Variants in P3H4 observed in about 807,000 individuals in gnomAD.
P3H4 encodes the protein prolyl 3-hydroxylase family member 4 (inactive), also known as endoplasmic reticulum protein SC65.
In P3H4, 47 loss-of-function variants were observed where a neutral mutation model predicts 52.9. The observed-to-expected ratio is 0.89, with a 90% confidence interval of 0.70 to 1.13. P3H4 has a LOEUF of 1.13. Among genes scored for constraint, P3H4 ranks in the 50% most tolerant of loss-of-function variants. The pLI, the probability that P3H4 is intolerant of heterozygous loss-of-function variation, is 0.00. For synonymous variants in P3H4, 256 were observed against 267.9 expected (o/e 0.96, Z 0.44); for missense variants, 585 against 611.0 (o/e 0.96, Z 0.45).
intron 3 of P3H4, 107 bp downstream of exon 3, chr17:41,810,756 G>A: frequency 7.3e-7 from 1 of 1,373,772 alleles, no homozygotes; most frequent in Non-Finnish European, 9.8e-7. Flanking sequence ...CCTTCCTCCC[G>A]GCTGGCTCCT....
intron 5 of P3H4, 82 bp downstream of exon 5, chr17:41,807,777 C>G: frequency 6.6e-7 from 1 of 1,518,990 alleles, no homozygotes; most frequent in Non-Finnish European, 8.9e-7. Flanking sequence ...GGATTACAGG[C>G]ATGAGCCACC....
chr17:41,804,594 C>G (rs1306512630), intron 6 of P3H4, among the ~76,000 whole-genome samples: 1 of 152,152 alleles, frequency 6.6e-6, no homozygotes, highest in African/African-American at 2.4e-5. Flanking sequence ...CACCACTGCA[C>G]TCCAGCCTGG....
Position 41,810,900 on chromosome 17 carries a change from C to T in P3H4, c.750G>A (p.Glu250=). The T allele has an allele frequency of 6.2e-7, 1 of 1,614,108 alleles. No homozygotes were observed. ...RCLAGCEGAH[E]QVDFKDFYPA... ...GGTAGAAGTCCTTGAAGTCCACCTG[C>T]TCATGGGCCCCTTCACAGCCGGCCA... Residue 250 remains glutamate, a synonymous_variant, in exon 3 of 8, where the codon GAG becomes GAA. Coordinates refer to ENST00000393928, the MANE Select transcript of P3H4 (RefSeq NM_006455.3).
At chr17:41,804,411 A>G (rs1555613917) in intron 6 of P3H4, among the ~76,000 whole-genome samples, 1 of 151,772 alleles carries the variant, frequency 6.6e-6, no homozygotes, top group Non-Finnish European at 1.5e-5. Context: ...GGATCATTTG[A>G]GGTCAGGAGT....
chr17:41,811,832 G>A lies in P3H4; in HGVS notation c.84C>T (p.Phe28=), dbSNP rs782554033. Residue 28 remains phenylalanine (F), a synonymous_variant, in exon 1 of 8, where the codon TTC becomes TTT. Coordinates refer to ENST00000393928, the MANE Select transcript of P3H4 (RefSeq NM_006455.3). The surrounding 1 kb of genome is among the most constrained non-coding windows in gnomAD (Gnocchi z 4.8). ...AQYEKYSFRG[F]PPEDLMPLAA... is the part of the protein sequence containing the mutation. ...CCAGCGGCATCAGGTCCTCGGGCGGGAAGCCCCGGAAGCTGTACTTCTCGT... is the reference window on the plus strand; with the variant it reads ...CCAGCGGCATCAGGTCCTCGGGCGGAAAGCCCCGGAAGCTGTACTTCTCGT... The A allele has an allele frequency of 2.1e-5, 32 of 1,545,186 alleles. No individual in the cohort carries two copies. The Admixed American group carries it at 6.0e-4, about 29-fold the overall frequency.
At chr17:41,809,152 T>C (rs577331017) in intron 4 of P3H4, among the ~76,000 whole-genome samples, 1 of 152,352 alleles carries the variant, frequency 6.6e-6, no homozygotes, top group African/African-American at 2.4e-5. Flanking sequence ...CCGGTCATGG[T>C]GGCTCATGCC....
chr17:41,811,666 CG>C lies in P3H4; in HGVS notation c.249del (p.Ala84ArgfsTer94). 7.0e-7 allele frequency: 1 copy of C among 1,427,676 alleles called. No individual in the cohort carries two copies. Among genetic ancestry groups the C allele is most frequent in the Non-Finnish European group, 9.1e-7 (1 of 1,102,510 alleles). The allele number at this position is 1,427,676 out of a possible 1,614,324, so 88.4% of individuals were successfully genotyped here. A position where few individuals can be genotyped will look rare whatever the true frequency, so the allele number is the denominator to read the frequency against. Reference protein sequence around the residue: ...EAFCHANCSGPAPAAKPDPDG... With the variant: ...EAFCHANCSGXAPAAKPDPDG... Reference sequence around the variant, plus strand: ...TCGGGATCGGGCTTGGCCGCGGGCGCGGGGCCGCTGCAGTTGGCGTGGCAGA... The same window carrying C: ...TCGGGATCGGGCTTGGCCGCGGGCGCGGGCCGCTGCAGTTGGCGTGGCAGA... On this transcript the variant is annotated frameshift_variant, in exon 1 of 8. Transcript: ENST00000393928. LOFTEE classifies it high-confidence loss of function. The surrounding 1 kb of genome is among the most constrained non-coding windows in gnomAD (Gnocchi z 4.8).
At chr17:41,803,486 T>C (rs1555613808) in intron 6 of P3H4, 55 bp from the exon 7 acceptor site, 3 of 1,538,634 alleles carry the variant, frequency 1.9e-6, no homozygotes, top group East Asian at 2.3e-5. Flanking sequence ...CCCAAACCCA[T>C]ATGGGCTCCC....
rs1555615274 is a variant in P3H4 at position 41,811,812 on chromosome 17, G to T, written c.104C>A (p.Pro35Gln). 4 of 1,537,518 alleles carry T rather than the reference G, an allele frequency of 2.6e-6. No individual in the cohort carries two copies. The South Asian group carries it at 4.8e-5, about 18-fold the overall frequency. The change falls in exon 1 of 8, where the codon CCG (proline) becomes CAG (glutamine). Residue 35 changes from proline (P) to glutamine (Q), a missense_variant. Coordinates refer to ENST00000393928, the MANE Select transcript of P3H4 (RefSeq NM_006455.3). The surrounding 1 kb of genome is among the most constrained non-coding windows in gnomAD (Gnocchi z 4.8). ...AGCGTGCCCGTACGCCGCGGCCAGC[G>T]GCATCAGGTCCTCGGGCGGGAAGCC... is the stretch of plus-strand genomic sequence containing the variant. ...FRGFPPEDLMPLAAAYGHALE... is the reference protein window; with the variant it reads ...FRGFPPEDLMQLAAAYGHALE...
intron 5 of P3H4, chr17:41,807,150 G>T (rs1280039084): frequency 1.4e-5 from 7 of 483,912 alleles, no homozygotes; most frequent in Non-Finnish European, 1.9e-5. Flanking sequence ...CCCCATATTT[G>T]CCAGCCTGGC....
At position 41,811,575 on chromosome 17, in the gene P3H4, G is replaced by A; in HGVS notation, c.341C>T (p.Ala114Val). ...RLFGRVLERA[A>V]CLRRCKRTLP... ...CGTCCGCTTGCAGCGCCGCAGGCAG[G>A]CGGCTCGCTCCAGGACGCGGCCGAA... The change falls in exon 1 of 8, where the codon GCC becomes GTC. Residue 114 changes from alanine (A) to valine (V), a missense_variant. Ala to Val is a moderately conservative substitution (Grantham distance 64, BLOSUM62 0). Transcript: ENST00000393928. The surrounding 1 kb of genome is among the most constrained non-coding windows in gnomAD (Gnocchi z 4.8). 6.2e-7 allele frequency: 1 copy of A among 1,602,220 alleles called. No individual in the cohort carries two copies. Among genetic ancestry groups the A allele is most frequent in the Non-Finnish European group, 8.5e-7 (1 of 1,175,980 alleles).
In P3H4 at chr17:41,803,374, C is replaced by A. The variant is rs947504570; in HGVS notation, c.1204G>T (p.Glu402Ter). 6.2e-7 allele frequency: 1 copy of A among 1,613,946 alleles called. No individual in the cohort carries two copies. Among genetic ancestry groups the A allele is most frequent in the Non-Finnish European group, 8.5e-7 (1 of 1,179,920 alleles). The part of the protein sequence containing the change: ...LEPEDALSDA[E>*]FEGEGDYEEG... ...TCGTAGTCACCCTCCCCCTCAAACT[C>A]GGCGTCAGATAGGGCATCCTCAGGC... Residue 402 changes from glutamate (E) to a stop codon, truncating the protein, a stop_gained, in exon 7 of 8, where the codon GAG becomes TAG. Transcript: ENST00000393928. LOFTEE classifies it high-confidence loss of function.
Position 41,811,657 on chromosome 17 carries a change from C to CCGCGGG in P3H4, c.253_258dup (p.Pro85_Ala86dup), listed in dbSNP as rs1756141900. On this transcript the variant is annotated inframe_insertion, in exon 1 of 8. Transcript: ENST00000393928. This position sits in a 1 kb window ranked among gnomAD's most constrained non-coding sequence, Gnocchi z 4.8. ...CGGCCGCCGTCGGGATCGGGCTTGGCCGCGGGCGCGGGGCCGCTGCAGTTG... is the reference window on the plus strand; with the variant it reads ...CGGCCGCCGTCGGGATCGGGCTTGGCCGCGGGCGCGGGCGCGGGGCCGCTGCAGTTG... The CCGCGGG allele has an allele frequency of 2.1e-6, 3 of 1,431,132 alleles. No homozygotes were observed. The highest frequency in any genetic ancestry group is 2.7e-6 in the Non-Finnish European group (3 of 1,103,830). 88.7% of individuals were successfully genotyped at this position (1,431,132 alleles called of 1,614,324 possible). A position where few individuals can be genotyped will look rare whatever the true frequency, so the allele number is the denominator to read the frequency against.
chr17:41,809,591 C>T (rs2047707830), intron 4 of P3H4, 115 bp downstream of exon 4: 1 of 1,272,944 alleles, frequency 7.9e-7, no homozygotes, highest in Non-Finnish European at 1.1e-6. Context: ...TTCCTCCTAT[C>T]ACCCAGGGTC....
chr17:41,803,095 C>A, intron 7 of P3H4, 116 bp from the exon 8 acceptor site: 2 of 1,441,552 alleles, frequency 1.4e-6, no homozygotes, highest in Non-Finnish European at 1.9e-6. Context: ...CTCAGCTGGT[C>A]CCAGCTCCAG....
rs201190522 is a variant in P3H4 at position 41,807,975 on chromosome 17, C to A, written c.946G>T (p.Ala316Ser). 2 of 1,613,944 alleles carry A rather than the reference C, an allele frequency of 1.2e-6. No individual in the cohort carries two copies. The highest frequency in any genetic ancestry group is 2.2e-5 in the South Asian group (2 of 91,060). ...GGGTCGAAGAGCATGTAGCTGGCGGCGCTGCGGGCAGCCTGGCGCACATCA... is the reference window on the plus strand; with the variant it reads ...GGGTCGAAGAGCATGTAGCTGGCGGAGCTGCGGGCAGCCTGGCGCACATCA... ...LNDVRQAARS[A>S]ASYMLFDPKD... is the part of the protein sequence containing the mutation. The change falls in exon 5 of 8, where the codon GCC becomes TCC. Residue 316 changes from alanine (A) to serine (S), a missense_variant. Ala to Ser is a moderately conservative substitution (Grantham distance 99, BLOSUM62 1). Coordinates refer to ENST00000393928, the MANE Select transcript of P3H4 (RefSeq NM_006455.3).
At position 41,802,940 on chromosome 17, in the gene P3H4, T is replaced by C. The variant is rs1224833765; in HGVS notation, c.*17A>G. 6.2e-7 allele frequency: 1 copy of C among 1,611,482 alleles called. No homozygotes were observed. Among genetic ancestry groups the C allele is most frequent in the East Asian group, 2.2e-5 (1 of 44,772 alleles). ...CACCAGGCTTCCCAAGCTTGAGCGG[T>C]GTGGGGTGTCCCCTTCTCATGCGAG... On this transcript the variant is annotated 3_prime_UTR_variant, in exon 8 of 8. Coordinates refer to ENST00000393928, the MANE Select transcript of P3H4 (RefSeq NM_006455.3).
chr17:41,810,003 C>G (rs1299469292), intron 3 of P3H4, among the ~76,000 whole-genome samples, 169 bp from the exon 4 acceptor site: 1 of 152,048 alleles, frequency 6.6e-6, no homozygotes, highest in Non-Finnish European at 1.5e-5. Flanking sequence ...GCTTGGCATA[C>G]TATATGACAA....
rs554902751 is a variant in P3H4, at chr17:41,802,607, G to C, written c.*350C>G. The C allele has an allele frequency of 3.9e-6, 1 of 257,028 alleles. No homozygotes were observed. The highest frequency in any genetic ancestry group is 7.4e-6 in the Non-Finnish European group (1 of 135,168). 15.9% of individuals were successfully genotyped at this position (257,028 alleles called of 1,614,324 possible). On this transcript the variant is annotated 3_prime_UTR_variant, in exon 8 of 8. Coordinates refer to ENST00000393928, the MANE Select transcript of P3H4 (RefSeq NM_006455.3). ...CGCTCTGTCGCCCAGGCTGGAGTGC[G>C]GTGGCGCAATCTCAGTTCACTGCAA...
Sources: gnomAD v4.1 joint callset for allele counts (sites outside exome capture counted in the v4.1 genomes callset) on GRCh38, gnomAD v4.1.1 for gene constraint, Gnocchi (gnomAD v3.1) non-coding constraint, MANE v1.5 for transcripts, NCBI Gene and HGNC (gene_info 2026-07-23, HGNC 2026-07-21) for gene names.